Variants in PRKCZ observed in about 807,000 individuals in gnomAD.
PRKCZ encodes protein kinase C zeta type.
PRKCZ carries 33 observed loss-of-function variants against 79.5 expected under a neutral mutation model. The ratio of observed to expected loss-of-function variants is 0.41; its 90% CI spans 0.31 to 0.55. The LOEUF (loss-of-function observed/expected upper bound fraction) is 0.55. Among genes scored for constraint, PRKCZ ranks in the 20% least tolerant of loss-of-function variants. PRKCZ has a pLI of 0.19. For synonymous variants in PRKCZ, 342 were observed against 320.9 expected, an observed-to-expected ratio of 1.07 and a Z score of -0.70; for missense variants, 578 against 813.5, an observed-to-expected ratio of 0.71 and a Z score of 3.52.
intron 4 of PRKCZ, among the ~76,000 whole-genome samples, chr1:2,113,785 TG>T (rs1267195539): frequency 1.3e-5 from 2 of 151,604 alleles, no homozygotes; most frequent in Non-Finnish European, 2.9e-5. Flanking sequence ...CCAGTCCTTG[TG>T]GGGGTGACTC....
chr1:2,162,679 C>G (rs541001636), intron 10 of PRKCZ, among the ~76,000 whole-genome samples: 2 of 152,308 alleles, frequency 1.3e-5, no homozygotes, highest in East Asian at 3.9e-4. Context: ...AACTCCTGGG[C>G]TCAAACGATT....
chr1:2,150,894 C>T lies in PRKCZ; in HGVS notation c.792C>T (p.Ala264=). 1 of 1,614,164 alleles carries T rather than the reference C, an allele frequency of 6.2e-7. No individual in the cohort carries two copies. Among genetic ancestry groups the T allele is most frequent in the Middle Eastern group, 1.7e-4 (1 of 6,054 alleles). ...LIRVIGRGSY[A]KVLLVRLKKN... The stretch of plus-strand genomic sequence containing the variant: ...GAGTCATCGGGCGCGGGAGCTACGC[C>T]AAGGTTCTCCTGGTGCGGTTGAAGA... Residue 264 remains alanine (A), a synonymous_variant, in exon 9 of 18, where the codon GCC becomes GCT. Transcript: ENST00000378567.
At chr1:2,117,612 G>A (rs557687385) in intron 4 of PRKCZ, among the ~76,000 whole-genome samples, 2 of 152,118 alleles carry the variant, frequency 1.3e-5, no homozygotes, top group Non-Finnish European at 2.9e-5. Flanking sequence ...ACATCCTCTC[G>A]TGCCTGATTT....
chr1:2,059,615 C>T (rs377646943), intron 4 of PRKCZ, 24 bp downstream of exon 4: 117 of 1,613,462 alleles, frequency 7.3e-5, no homozygotes, highest in Non-Finnish European at 9.2e-5. Context: ...TTTCCTACGC[C>T]GGTCTCGCAT....
intron 4 of PRKCZ, chr1:2,134,691 A>T (rs1571711245): frequency 6.6e-6 from 1 of 152,278 alleles, no homozygotes; most frequent in Non-Finnish European, 1.5e-5. Flanking sequence ...AGGAAACTCG[A>T]CTGGAGAGCC....
Position 2,172,423 on chromosome 1 carries a change from A to G in PRKCZ, c.1285+35A>G, listed in dbSNP as rs1421287851. On this transcript the variant is annotated intron_variant, in intron 13 of 17. Coordinates refer to ENST00000378567, the MANE Select transcript of PRKCZ (RefSeq NM_002744.6). This position sits in a 1 kb window ranked among gnomAD's most constrained non-coding sequence, Gnocchi z 7.8. ...GCTGCCCTGGCCCCTCTCGGAGCACACAGGGCCAGAGATGGCTTCGGGCCT... is the reference window on the plus strand; with the variant it reads ...GCTGCCCTGGCCCCTCTCGGAGCACGCAGGGCCAGAGATGGCTTCGGGCCT... 6.3e-7 allele frequency: 1 copy of G among 1,592,476 alleles called. No homozygotes were observed. Among genetic ancestry groups the G allele is most frequent in the East Asian group, 2.3e-5 (1 of 44,006 alleles).
At chr1:2,065,356 G>T (rs1661029402) in intron 4 of PRKCZ, among the ~76,000 whole-genome samples, 1 of 152,054 alleles carries the variant, frequency 6.6e-6, no homozygotes, top group Admixed American at 6.6e-5. Context: ...AATTGTTCTG[G>T]CTAGAATTCC....
chr1:2,084,366 AGGTGCTGTCCGCTTC>A lies in PRKCZ; in HGVS notation c.334+24778_334+24792del, dbSNP rs145692428. Among the ~76,000 whole-genome samples, 478 of 152,358 alleles carry A rather than the reference AGGTGCTGTCCGCTTC, an allele frequency of 3.1e-3. 18 individuals carry two copies. The East Asian group carries it at 0.078, about 25-fold the overall frequency. On this transcript the variant is annotated intron_variant, in intron 4 of 17. Coordinates refer to ENST00000378567, the MANE Select transcript of PRKCZ (RefSeq NM_002744.6). ...TCATGAGGGCGAGTGTGAAGAAGGCAGGTGCTGTCCGCTTCGGATTATGGTCATAGCTTGCACTCG... is the reference window on the plus strand; with the variant it reads ...TCATGAGGGCGAGTGTGAAGAAGGCAGGATTATGGTCATAGCTTGCACTCG...
rs566278052 is a variant in PRKCZ at position 2,100,852 on chromosome 1, A to G, written c.335-34410A>G. On this transcript the variant is annotated intron_variant, in intron 4 of 17. Coordinates refer to ENST00000378567, the MANE Select transcript of PRKCZ (RefSeq NM_002744.6). ...AGATGAAAGATGACATTTTAATTCT[A>G]TCATTGAGGCATAGTCTTTCCAACA... Among the ~76,000 whole-genome samples, 3 of 152,214 alleles carry G rather than the reference A, an allele frequency of 2.0e-5. No homozygotes were observed. The East Asian group carries it at 5.8e-4, about 29-fold the overall frequency.
At chr1:2,096,648 C>T (rs1195843202) in intron 4 of PRKCZ, among the ~76,000 whole-genome samples, 2 of 152,154 alleles carry the variant, frequency 1.3e-5, no homozygotes, top group East Asian at 1.9e-4. Flanking sequence ...GTCATCACTG[C>T]CATGGTCCGG....
intron 4 of PRKCZ, among the ~76,000 whole-genome samples, chr1:2,070,482 C>G (rs757846012): frequency 6.6e-6 from 1 of 152,186 alleles, no homozygotes; most frequent in African/African-American, 2.4e-5. Flanking sequence ...ATTCCCTGCT[C>G]AGCCCCTGAA....
chr1:2,109,905 G>A (rs1192928633), intron 4 of PRKCZ, among the ~76,000 whole-genome samples: 1 of 152,258 alleles, frequency 6.6e-6, no homozygotes, highest in Non-Finnish European at 1.5e-5. Flanking sequence ...GAAATGTCCA[G>A]TAGCAGAATT....
At chr1:2,120,293 GTTTTTTTTTTTTTTTT>G (rs59518072) in intron 4 of PRKCZ, among the ~76,000 whole-genome samples, 2 of 32,842 alleles carry the variant, frequency 6.1e-5, no homozygotes, top group Admixed American at 4.1e-4. Flanking sequence ...TTGACTTTTC[GTTTTTTTTTTTTTTTT>G]TTTTTTTTTT....
At chr1:2,053,308 C>T (rs1299934982) in intron 1 of PRKCZ, among the ~76,000 whole-genome samples, 2 of 152,104 alleles carry the variant, frequency 1.3e-5, no homozygotes, top group Non-Finnish European at 2.9e-5. Flanking sequence ...ACTTTGTTGG[C>T]CAGGCTGGTC....
rs199652356 is a variant in PRKCZ at position 2,119,798 on chromosome 1, T to C, written c.335-15464T>C. Among the ~76,000 whole-genome samples, 77 of 151,438 alleles carry C rather than the reference T, an allele frequency of 5.1e-4. 1 individual carries two copies. The East Asian group carries it at 0.012, about 24-fold the overall frequency. ...TTATTTCTTTTCTTTTCTTTTTTTT[T>C]TTTTTGAGATGGATTTTTGCTCTTG... On this transcript the variant is annotated intron_variant, in intron 4 of 17. Coordinates refer to ENST00000378567, the MANE Select transcript of PRKCZ (RefSeq NM_002744.6).
At chr1:2,068,545 C>G (rs1250922055) in intron 4 of PRKCZ, among the ~76,000 whole-genome samples, 1 of 152,260 alleles carries the variant, frequency 6.6e-6, no homozygotes, top group Non-Finnish European at 1.5e-5. Flanking sequence ...GGACATTCAC[C>G]TTGAGACCTG....
intron 4 of PRKCZ, among the ~76,000 whole-genome samples, chr1:2,067,496 C>T (rs140231141): frequency 6.6e-5 from 10 of 152,284 alleles, no homozygotes; most frequent in African/African-American, 1.9e-4. Context: ...GGTCACGCCC[C>T]GGTCGAGTGG....
intron 4 of PRKCZ, among the ~76,000 whole-genome samples, chr1:2,072,015 A>C (rs1424543510): frequency 1.3e-5 from 2 of 152,244 alleles, no homozygotes; most frequent in East Asian, 3.8e-4. Flanking sequence ...GCCAATTAAA[A>C]GCGTAGAAAT....
Position 2,141,910 on chromosome 1 carries a change from G to A in PRKCZ, c.421-2300G>A, listed in dbSNP as rs140155352. ...TCCAGGGTCCAGGCATCCAGCAGCC[G>A]AAGCGCCTCCTTTCACTCCAGGGTC... On this transcript the variant is annotated intron_variant, in intron 5 of 17. Transcript: ENST00000378567. The A allele has an allele frequency of 3.0e-3, 970 of 318,896 alleles. 4 individuals are homozygous for A. Among genetic ancestry groups the A allele is most frequent in the African/African-American group, 0.02 (874 of 44,624 alleles). 19.8% of individuals were successfully genotyped at this position (318,896 alleles called of 1,614,324 possible).
Sources: gnomAD v4.1 joint callset for allele counts (sites outside exome capture counted in the v4.1 genomes callset) on GRCh38, gnomAD v4.1.1 for gene constraint, Gnocchi (gnomAD v3.1) non-coding constraint, MANE v1.5 for transcripts, NCBI Gene and HGNC (gene_info 2026-07-23, HGNC 2026-07-21) for gene names.